The following MALT1 variants were observed in gnomAD, a reference collection of about 807,000 sequenced individuals.
The protein encoded by MALT1 is mucosa-associated lymphoid tissue lymphoma translocation protein 1.
Under a neutral mutation model 85.5 loss-of-function variants are expected in MALT1, and 36 were observed. That is an observed-to-expected ratio of 0.42 (90% CI 0.32 to 0.56). The LOEUF is 0.56. MALT1 is among the 20% of genes least tolerant of loss of function. MALT1 has a pLI of 0.10. For synonymous variants in MALT1, 359 were observed against 361.3 expected (o/e 0.99, Z 0.07); for missense variants, 716 against 981.6 (o/e 0.73, Z 3.62).
rs58014827 is a variant in MALT1 at position 58,735,065 on chromosome 18, A to AC, written c.1476-128dup. 3 of 672,582 alleles carry AC rather than the reference A, an allele frequency of 4.5e-6. No homozygotes were observed. In the African/African-American group the frequency reaches 5.6e-5, roughly 13 times the overall value. 41.7% of individuals were successfully genotyped at this position (672,582 alleles called of 1,614,324 possible). A position where few individuals can be genotyped will look rare whatever the true frequency, so the allele number is the denominator to read the frequency against. ...GACTAACAGTCCCCACGCTGTCCCC[A>AC]CCCCCCCCCAGCCTCTGGTAACCAC... is the stretch of plus-strand genomic sequence containing the variant. On this transcript the variant is annotated intron_variant, in intron 12 of 16. Transcript: ENST00000649217.
intron 9 of MALT1, among the ~76,000 whole-genome samples, chr18:58,716,959 T>C (rs1489760876): frequency 6.6e-6 from 1 of 152,134 alleles, no homozygotes; most frequent in African/African-American, 2.4e-5. Flanking sequence ...TCTTTTGAGA[T>C]TAAAAAGAAG....
At chr18:58,721,625 G>A (rs1421349340) in intron 9 of MALT1, among the ~76,000 whole-genome samples, 4 of 152,148 alleles carry the variant, frequency 2.6e-5, no homozygotes, top group Non-Finnish European at 1.5e-5. Flanking sequence ...CTTTGAGAGA[G>A]TCACAGTCTT....
At chr18:58,700,653 A>C (rs2054658291) in intron 4 of MALT1, 62 bp downstream of exon 4, 3 of 1,407,564 alleles carry the variant, frequency 2.1e-6, no homozygotes, top group Non-Finnish European at 2.8e-6. Context: ...TTTATTTTAA[A>C]TGTTTACTTT....
At chr18:58,745,413 G>A (rs192746239) in intron 15 of MALT1, among the ~76,000 whole-genome samples, 33 of 152,208 alleles carry the variant, frequency 2.2e-4, no homozygotes, top group African/African-American at 7.7e-4. Context: ...GCATTTCTAG[G>A]AATCATTTGA....
At chr18:58,714,255 A>G (rs1445386673) in intron 8 of MALT1, 146 bp downstream of exon 8, 1 of 458,814 alleles carries the variant, frequency 2.2e-6, no homozygotes, top group African/African-American at 2.0e-5. Flanking sequence ...GAAATTAACT[A>G]CATGAAGTAC....
chr18:58,735,166 T>G, intron 12 of MALT1, 36 bp from the exon 13 acceptor site: 1 of 1,579,272 alleles, frequency 6.3e-7, no homozygotes, highest in Non-Finnish European at 8.6e-7. Context: ...TATTTGCCTT[T>G]CTGTGCCTGG....
intron 1 of MALT1, among the ~76,000 whole-genome samples, chr18:58,676,645 A>G (rs1224980274): frequency 1.3e-5 from 2 of 152,212 alleles, no homozygotes; most frequent in African/African-American, 4.8e-5. Flanking sequence ...TTACCTGTCT[A>G]CTTGCGTTAC....
intron 9 of MALT1, among the ~76,000 whole-genome samples, chr18:58,722,103 CTTTAT>C (rs1457915547): frequency 3.5e-4 from 51 of 145,400 alleles, no homozygotes; most frequent in Non-Finnish European, 3.6e-4. Flanking sequence ...TTGGTGTGTT[CTTTAT>C]TTTTTTTTTT....
At chr18:58,745,949 T>C (rs2055360492) in intron 16 of MALT1, among the ~76,000 whole-genome samples, 158 bp downstream of exon 16, 1 of 152,196 alleles carries the variant, frequency 6.6e-6, no homozygotes, top group South Asian at 2.1e-4. Flanking sequence ...CTGTTTCCGA[T>C]GGTGACCAGA....
At chr18:58,713,881 A>G (rs1285639925) in intron 7 of MALT1, among the ~76,000 whole-genome samples, 1 of 152,236 alleles carries the variant, frequency 6.6e-6, no homozygotes, top group African/African-American at 2.4e-5. Flanking sequence ...ATGGCTTAGA[A>G]GTCCTAAATG....
intron 1 of MALT1, chr18:58,675,376 G>A (rs955127300): frequency 1.7e-4 from 26 of 152,182 alleles, no homozygotes; most frequent in African/African-American, 6.3e-4. Flanking sequence ...GTTTATTATA[G>A]GAATGAGAAC....
At chr18:58,719,116 C>T (rs1025363819) in intron 9 of MALT1, among the ~76,000 whole-genome samples, 1 of 152,164 alleles carries the variant, frequency 6.6e-6, no homozygotes, top group South Asian at 2.1e-4. Flanking sequence ...AGCTTAAGAA[C>T]AGCATCAGTT....
chr18:58,739,058 A>G (rs908299037), intron 13 of MALT1, among the ~76,000 whole-genome samples: 4 of 152,192 alleles, frequency 2.6e-5, no homozygotes, highest in African/African-American at 4.8e-5. Context: ...ACAAGATTAA[A>G]TGGTTTTTCT....
At chr18:58,741,677 A>T in intron 13 of MALT1, 188 bp from the exon 14 acceptor site, 1 of 415,156 alleles carries the variant, frequency 2.4e-6, no homozygotes. Flanking sequence ...ATGAACACTT[A>T]CACACATGAG....
chr18:58,724,312 TC>T (rs2055024130), intron 10 of MALT1, among the ~76,000 whole-genome samples: 1 of 152,188 alleles, frequency 6.6e-6, no homozygotes, highest in Non-Finnish European at 1.5e-5. Context: ...TAAATGAGTT[TC>T]CCTCTCTAAA....
In MALT1 at chr18:58,671,726, C is replaced by T. The variant is rs1223638563; in HGVS notation, c.83C>T (p.Ala28Val). Reference sequence around the variant, plus strand: ...CCGCTGCTCGCCCCTCCGGCCGGCGCGACCCTCAACCGCCTGCGGGAGCCG... The same window carrying T: ...CCGCTGCTCGCCCCTCCGGCCGGCGTGACCCTCAACCGCCTGCGGGAGCCG... ...TGPLLAPPAG[A>V]TLNRLREPLL... Residue 28 changes from alanine to valine, a missense_variant, in exon 1 of 17, where the codon GCG becomes GTG. By Grantham distance (64) the Ala-to-Val change is moderately conservative. Transcript: ENST00000649217. 7.0e-6 allele frequency: 9 copies of T among 1,278,580 alleles called. No individual in the cohort carries two copies. The South Asian group carries it at 1.5e-4, about 22-fold the overall frequency. The allele number at this position is 1,278,580 out of a possible 1,614,324, so 79.2% of individuals were successfully genotyped here.
chr18:58,734,193 T>C (rs2055193282), intron 11 of MALT1, 114 bp from the exon 12 acceptor site: 1 of 1,058,648 alleles, frequency 9.4e-7, no homozygotes, highest in Admixed American at 2.6e-5. Context: ...GAATCTATAA[T>C]TTTAAATTAT....
At chr18:58,699,362 C>T (rs373268866) in intron 3 of MALT1, among the ~76,000 whole-genome samples, 1 of 152,166 alleles carries the variant, frequency 6.6e-6, no homozygotes, top group African/African-American at 2.4e-5. Flanking sequence ...GTAGGATTGT[C>T]AGGCAGTTGT....
intron 13 of MALT1, chr18:58,741,358 T>C (rs2055299123): frequency 6.6e-6 from 1 of 152,150 alleles, no homozygotes; most frequent in African/African-American, 2.4e-5. Flanking sequence ...AATTTTAATG[T>C]ACTCCTACAA....
Sources: allele counts gnomAD v4.1 joint callset (sites outside exome capture counted in the v4.1 genomes callset), GRCh38; gene constraint gnomAD v4.1.1; transcripts MANE v1.5; gene names NCBI Gene and HGNC (gene_info 2026-07-23, HGNC 2026-07-21).